Variants in DEK observed in about 807,000 individuals in gnomAD.
DEK encodes the protein protein DEK.
Under a neutral mutation model 46.8 loss-of-function variants are expected in DEK, and 28 were observed. The observed-to-expected ratio is 0.60, with a 90% confidence interval of 0.44 to 0.82. The LOEUF (loss-of-function observed/expected upper bound fraction) is 0.82, where lower values mean the gene tolerates loss of function less well. Ranked by LOEUF, DEK falls within the 40% of genes least tolerant of loss-of-function variation. The pLI, the probability that DEK is intolerant of heterozygous loss-of-function variation, is 0.00. For missense variants in DEK, 416 were observed against 430.6 expected (o/e 0.97, Z 0.30); for synonymous variants, 160 against 144.5 (o/e 1.11, Z -0.77).
At chr6:18,239,338 C>CTTTTTTTT (rs58941276) in intron 7 of DEK, among the ~76,000 whole-genome samples, 1 of 78,294 alleles carries the variant, frequency 1.3e-5, no homozygotes, top group African/African-American at 6.0e-5. Context: ...ATTTTAGTGT[C>CTTTTTTTT]TTTTTTTTTT....
At chr6:18,262,809 CTT>C (rs1791937561) in intron 2 of DEK, among the ~76,000 whole-genome samples, 1 of 152,160 alleles carries the variant, frequency 6.6e-6, no homozygotes, top group Non-Finnish European at 1.5e-5. Flanking sequence ...TATGTGAAAA[CTT>C]ATATTTAAAA....
rs1791116777 is a variant in DEK, at chr6:18,246,411, A to T, written c.762+3240T>A. Among the ~76,000 whole-genome samples the T allele has an allele frequency of 2.6e-5, 4 of 152,356 alleles. No homozygotes were observed. The South Asian group carries it at 8.3e-4, about 32-fold the overall frequency. ...CTTTTATTTAATTACAAGGAAAAGA[A>T]TTGCAAAACTATTGTGACTCACTCA... On this transcript the variant is annotated intron_variant, in intron 7 of 10. Transcript: ENST00000652689.
chr6:18,257,090 T>C (rs912666509), intron 4 of DEK, among the ~76,000 whole-genome samples: 2 of 152,200 alleles, frequency 1.3e-5, no homozygotes, highest in Admixed American at 6.5e-5. Context: ...TACTAAGTCA[T>C]ATGTACAGTA....
intron 7 of DEK, among the ~76,000 whole-genome samples, chr6:18,241,116 G>C (rs553540127): frequency 2.6e-4 from 40 of 152,262 alleles, no homozygotes; most frequent in African/African-American, 8.4e-4. Context: ...TAATGAATTT[G>C]TATCTTGTGC....
At chr6:18,252,944 T>C (rs1791452040) in intron 6 of DEK, among the ~76,000 whole-genome samples, 1 of 152,234 alleles carries the variant, frequency 6.6e-6, no homozygotes, top group African/African-American at 2.4e-5. Flanking sequence ...AATACTGTGT[T>C]AACTCTCAAG....
chr6:18,256,397 C>T lies in DEK; in HGVS notation c.416G>A (p.Ser139Asn). Residue 139 changes from serine to asparagine, a missense_variant, in exon 5 of 11, where the codon AGT becomes AAT. By Grantham distance (46) the Ser-to-Asn change is conservative. Transcript: ENST00000652689. ...TTCTTCCTTCTTTTTATATTGGACA[C>T]TTCCTTTTTCAAATGGAAAGCCACT... ...QFSGFPFEKG[S>N]VQYKKKEEML... 1 of 1,613,514 alleles carries T rather than the reference C, an allele frequency of 6.2e-7. No individual in the cohort carries two copies. The highest frequency in any genetic ancestry group is 8.5e-7 in the Non-Finnish European group (1 of 1,179,708).
intron 7 of DEK, among the ~76,000 whole-genome samples, chr6:18,246,437 C>T (rs898845008): frequency 1.3e-5 from 2 of 152,192 alleles, no homozygotes; most frequent in South Asian, 2.1e-4. Context: ...GACTCACTCA[C>T]TGCATATCAT....
rs539995106 is a variant in DEK at position 18,263,847 on chromosome 6, T to TTCCTCCTCC, written c.132_140dup (p.Glu45_Glu47dup). ...TTGGGATGCGACTCCCCCCACCTTT[T>TTCCTCCTCC]TCCTCCTCCTCCTCCTCCTCGTCGT... is the stretch of plus-strand genomic sequence containing the variant. On this transcript the variant is annotated inframe_insertion, in exon 2 of 11. Coordinates refer to ENST00000652689, the MANE Select transcript of DEK (RefSeq NM_003472.4). The TTCCTCCTCC allele has an allele frequency of 2.5e-6, 4 of 1,611,536 alleles. No homozygotes were observed. Among genetic ancestry groups the TTCCTCCTCC allele is most frequent in the Admixed American group, 3.4e-5 (2 of 59,684 alleles).
chr6:18,254,087 C>G (rs923355196), intron 6 of DEK, among the ~76,000 whole-genome samples: 2 of 151,922 alleles, frequency 1.3e-5, no homozygotes, highest in Non-Finnish European at 2.9e-5. Flanking sequence ...TCCCAGCACT[C>G]TGGGAGGCCG....
intron 5 of DEK, 43 bp downstream of exon 5, chr6:18,256,318 A>AC: frequency 6.6e-7 from 1 of 1,509,602 alleles, no homozygotes; most frequent in Non-Finnish European, 9.1e-7. Flanking sequence ...AAATAAACTT[A>AC]AAGCATATTG....
chr6:18,260,472 A>G (rs372778256), intron 2 of DEK, among the ~76,000 whole-genome samples: 4 of 152,202 alleles, frequency 2.6e-5, no homozygotes, highest in Admixed American at 6.5e-5. Context: ...TCATCTCCAA[A>G]CTTGCTCACT....
chr6:18,237,400 A>C lies in DEK; in HGVS notation c.879T>G (p.Asn293Lys). The part of the protein sequence containing the change: ...KKADSSTTKK[N>K]QNSSKKESES... ...ACATACCTTTTTTGGAACTGTTTTG[A>C]TTCTTCTTGGTGGTGCTGCTATCTG... Residue 293 changes from asparagine (N) to lysine (K), a missense_variant, in exon 8 of 11, where the codon AAT becomes AAG. Transcript: ENST00000652689. 6.3e-7 allele frequency: 1 copy of C among 1,596,470 alleles called. No individual in the cohort carries two copies. Among genetic ancestry groups the C allele is most frequent in the Non-Finnish European group, 8.5e-7 (1 of 1,176,080 alleles).
At position 18,223,919 on chromosome 6, in the gene DEK, A is replaced by G. The variant is rs372332217; in HGVS notation, c.*1800T>C. 4.3e-4 allele frequency: 65 copies of G among 152,402 alleles called. No homozygotes were observed. The highest frequency in any genetic ancestry group is 1.6e-3 in the African/African-American group (65 of 41,580). The allele number at this position is 152,402 out of a possible 1,614,324, so 9.4% of individuals were successfully genotyped here. ...GCGTACTCATCAAGAACTTTCATAC[A>G]GAACAACTCCATTTCCTCACTTCCA... On this transcript the variant is annotated 3_prime_UTR_variant, in exon 11 of 11. Coordinates refer to ENST00000652689, the MANE Select transcript of DEK (RefSeq NM_003472.4).
At chr6:18,234,876 CT>C (rs1253940741) in intron 9 of DEK, among the ~76,000 whole-genome samples, 1 of 152,094 alleles carries the variant, frequency 6.6e-6, no homozygotes, top group African/African-American at 2.4e-5. Flanking sequence ...GTTCATTTTC[CT>C]CACTATTCAT....
chr6:18,241,754 A>AT (rs1022474078), intron 7 of DEK, among the ~76,000 whole-genome samples: 3 of 152,242 alleles, frequency 2.0e-5, no homozygotes, highest in Non-Finnish European at 4.4e-5. Context: ...TTGCATATTC[A>AT]TTTTTTTAAA....
rs564856859 is a variant in DEK, at chr6:18,263,920, G to T, written c.68C>A (p.Pro23His). The change falls in exon 2 of 11, where the codon CCC (proline) becomes CAC (histidine). Residue 23 changes from proline to histidine, a missense_variant. By Grantham distance (77) the Pro-to-His change is moderately conservative (BLOSUM62 -2). Transcript: ENST00000652689. ...CTCCTCTCTGGGACCGGGCATTTCG[G>T]GTTCTTTCTCGGACGCGGGCTGGGT... ...TPTQPASEKE[P>H]EMPGPREESE... 14 of 1,612,228 alleles carry T rather than the reference G, an allele frequency of 8.7e-6. No individual in the cohort carries two copies. In the South Asian group the frequency reaches 1.5e-4, roughly 18 times the overall value.
chr6:18,255,072 G>A (rs1166607651), intron 6 of DEK, among the ~76,000 whole-genome samples: 4 of 152,042 alleles, frequency 2.6e-5, no homozygotes, highest in Non-Finnish European at 5.9e-5. Context: ...AACATTTGCT[G>A]ACAGACCTAA....
intron 9 of DEK, among the ~76,000 whole-genome samples, chr6:18,233,146 A>G (rs1582258526): frequency 6.6e-6 from 1 of 152,236 alleles, no homozygotes; most frequent in African/African-American, 2.4e-5. Context: ...CTGGCTAGCC[A>G]TATGTAGAAA....
At position 18,263,919 on chromosome 6, in the gene DEK, G is replaced by C. The variant is rs199740585; in HGVS notation, c.69C>G (p.Pro23=). 5 of 1,612,160 alleles carry C rather than the reference G, an allele frequency of 3.1e-6. No homozygotes were observed. Among genetic ancestry groups the C allele is most frequent in the Non-Finnish European group, 3.4e-6 (4 of 1,179,166 alleles). Residue 23 remains proline (P), a synonymous_variant, in exon 2 of 11, where the codon CCC becomes CCG. Coordinates refer to ENST00000652689, the MANE Select transcript of DEK (RefSeq NM_003472.4). Reference sequence around the variant, plus strand: ...TCTCCTCTCTGGGACCGGGCATTTCGGGTTCTTTCTCGGACGCGGGCTGGG... The same window carrying C: ...TCTCCTCTCTGGGACCGGGCATTTCCGGTTCTTTCTCGGACGCGGGCTGGG... ...TPTQPASEKE[P]EMPGPREESE... is the part of the protein sequence containing the mutation.
Sources: gnomAD v4.1 joint callset for allele counts (sites outside exome capture counted in the v4.1 genomes callset) on GRCh38, gnomAD v4.1.1 for gene constraint, MANE v1.5 for transcripts, NCBI Gene and HGNC (gene_info 2026-07-23, HGNC 2026-07-21) for gene names.